Variants in EML6 observed in about 807,000 individuals in gnomAD.
EML6 encodes the protein echinoderm microtubule-associated protein-like 6.
EML6 carries 154 observed loss-of-function variants against 240.1 expected under a neutral mutation model. That is an observed-to-expected ratio of 0.64 (90% CI 0.56 to 0.73). The LOEUF (loss-of-function observed/expected upper bound fraction) is 0.73, where lower values mean the gene tolerates loss of function less well. Ranked by LOEUF, EML6 falls within the 30% of genes least tolerant of loss-of-function variation. The probability of loss-of-function intolerance (pLI) is 0.00; values close to 1 mark genes in which losing one functional copy is unlikely to be tolerated. For synonymous variants in EML6, 1,148 were observed against 899.0 expected, an observed-to-expected ratio of 1.28 and a Z score of -4.95; for missense variants, 2,964 against 2,474.6, an observed-to-expected ratio of 1.20 and a Z score of -4.20.
chr2:54,894,973 G>A lies in EML6; in HGVS notation c.2801G>A (p.Arg934Lys). 2 of 1,551,540 alleles carry A rather than the reference G, an allele frequency of 1.3e-6. No homozygotes were observed. The highest frequency in any genetic ancestry group is 1.7e-6 in the Non-Finnish European group (2 of 1,146,806). ...IVELWDDMFE[R>K]CLKTYAIKRS... ...GAGCTCTGGGATGATATGTTTGAAA[G>A]ATGTTTGAAGACTTATGCCATTAAA... Residue 934 changes from arginine to lysine, a missense_variant, in exon 20 of 42, where the codon AGA (arginine) becomes AAA (lysine). Transcript: ENST00000356458.
chr2:54,861,202 C>G (rs1195635482), intron 12 of EML6, among the ~76,000 whole-genome samples: 2 of 152,196 alleles, frequency 1.3e-5, no homozygotes, highest in African/African-American at 2.4e-5. Flanking sequence ...TGGCTCGCCC[C>G]AGTGATAAAT....
Position 54,871,544 on chromosome 2 carries a change from A to G in EML6, c.2283A>G (p.Leu761=). The G allele has an allele frequency of 6.4e-7, 1 of 1,551,786 alleles. No homozygotes were observed. ...TTCATGTGTGGGACACACAAACTCTAAAATGTTTGTCGCTGTTGAAAGGAC... is the reference window on the plus strand; with the variant it reads ...TTCATGTGTGGGACACACAAACTCTGAAATGTTTGTCGCTGTTGAAAGGAC... The part of the protein sequence containing the change: ...AAIHVWDTQT[L]KCLSLLKGQH... Residue 761 remains leucine (L), a synonymous_variant, in exon 16 of 42, where the codon CTA becomes CTG. Transcript: ENST00000356458.
chr2:54,805,077 C>G (rs146211973), intron 2 of EML6, among the ~76,000 whole-genome samples: 69 of 152,300 alleles, frequency 4.5e-4, no homozygotes, highest in African/African-American at 1.5e-3. Flanking sequence ...GAGTATTCCA[C>G]TGAATGCTCC....
chr2:54,802,463 A>C (rs1330194732), intron 2 of EML6, among the ~76,000 whole-genome samples: 1 of 151,762 alleles, frequency 6.6e-6, no homozygotes, highest in Non-Finnish European at 1.5e-5. Flanking sequence ...CCATCTCTAC[A>C]AAAAAATAAA....
intron 24 of EML6, 136 bp downstream of exon 24, chr2:54,903,638 A>C: frequency 2.7e-6 from 2 of 751,390 alleles, no homozygotes; most frequent in East Asian, 5.5e-5. Context: ...AACGACTGTA[A>C]TTTTACAACC....
At chr2:54,811,068 A>AC (rs1667818868) in intron 2 of EML6, among the ~76,000 whole-genome samples, 1 of 150,670 alleles carries the variant, frequency 6.6e-6, no homozygotes, top group Admixed American at 6.6e-5. Flanking sequence ...CTCTGTTCTC[A>AC]CCCCCAGTAG....
At chr2:54,815,967 A>T (rs1364020663) in intron 3 of EML6, among the ~76,000 whole-genome samples, 1 of 152,192 alleles carries the variant, frequency 6.6e-6, no homozygotes, top group Non-Finnish European at 1.5e-5. Flanking sequence ...AGAAGGAATG[A>T]TTATTTTTTA....
rs1046030564 is a variant in EML6, at chr2:54,793,710, G to A, written c.198-19522G>A. On this transcript the variant is annotated intron_variant, in intron 2 of 41. Coordinates refer to ENST00000356458, the MANE Select transcript of EML6 (RefSeq NM_001039753.4). ...TGGCCAGTTTTCCTTTGAGCCAGAT[G>A]TGGCTGGTGACTACATAAGTGTTGT... Among the ~76,000 whole-genome samples the A allele has an allele frequency of 2.0e-5, 3 of 152,150 alleles. No individual in the cohort carries two copies. The East Asian group carries it at 5.8e-4, about 29-fold the overall frequency.
chr2:54,819,636 C>T (rs374767378), intron 4 of EML6, among the ~76,000 whole-genome samples: 102 of 151,998 alleles, frequency 6.7e-4, no homozygotes, highest in Admixed American at 1.3e-3. Flanking sequence ...ATTAACTGGG[C>T]GTGGTGGCAC....
intron 5 of EML6, among the ~76,000 whole-genome samples, chr2:54,820,855 AAAAG>A (rs1463444969): frequency 4.6e-5 from 7 of 152,186 alleles, no homozygotes; most frequent in Non-Finnish European, 1.0e-4. Flanking sequence ...ATGTTCCCTT[AAAAG>A]AAAGGTGTCA....
chr2:54,929,973 T>C (rs532851334), intron 28 of EML6, among the ~76,000 whole-genome samples: 1 of 152,282 alleles, frequency 6.6e-6, no homozygotes, highest in African/African-American at 2.4e-5. Context: ...TTAAAAGTCC[T>C]AATTCTAAGA....
chr2:54,740,907 T>G (rs1683601452), intron 2 of EML6, among the ~76,000 whole-genome samples: 1 of 152,194 alleles, frequency 6.6e-6, no homozygotes, highest in Non-Finnish European at 1.5e-5. Context: ...ATTCAGTTTC[T>G]AGTCCATATG....
chr2:54,819,437 G>T (rs1052814633), intron 4 of EML6, among the ~76,000 whole-genome samples: 1 of 152,124 alleles, frequency 6.6e-6, no homozygotes, highest in Non-Finnish European at 1.5e-5. Context: ...CTTGTCTCTG[G>T]ATTGGAAATA....
At chr2:54,832,723 C>G (rs1468974884) in intron 7 of EML6, among the ~76,000 whole-genome samples, 1 of 142,214 alleles carries the variant, frequency 7.0e-6, no homozygotes. Context: ...AGAAGATGGT[C>G]AGGTGTCCTG....
chr2:54,856,495 C>T (rs1490353778), intron 11 of EML6, among the ~76,000 whole-genome samples: 1 of 152,218 alleles, frequency 6.6e-6, no homozygotes, highest in Non-Finnish European at 1.5e-5. Context: ...GGCCTATGGA[C>T]AGCTTGAACA....
chr2:54,891,126 A>G lies in EML6; in HGVS notation c.2511A>G (p.Ile837Met), dbSNP rs1234050021. The change falls in exon 18 of 42, where the codon ATA (isoleucine) becomes ATG (methionine). Residue 837 changes from isoleucine (I) to methionine (M), a missense_variant. By Grantham distance (10) the Ile-to-Met change is conservative. Transcript: ENST00000356458. ...TTGACAAACTGGTTACAGTTGGGAT[A>G]AAACACATCAAATTCTGGCAACAAG... is the stretch of plus-strand genomic sequence containing the variant. ...HHVDKLVTVGIKHIKFWQQAG... is the reference protein window; with the variant it reads ...HHVDKLVTVGMKHIKFWQQAG... The G allele has an allele frequency of 1.3e-6, 2 of 1,488,256 alleles. No individual in the cohort carries two copies. 92.2% of individuals were successfully genotyped at this position (1,488,256 alleles called of 1,614,324 possible).
chr2:54,835,015 G>A (rs1408376784), intron 7 of EML6, among the ~76,000 whole-genome samples: 3 of 152,082 alleles, frequency 2.0e-5, no homozygotes, highest in African/African-American at 4.8e-5. Flanking sequence ...TCCGCATTGC[G>A]CTGCTTCGCC....
intron 2 of EML6, chr2:54,748,455 C>T (rs1684016021): frequency 6.6e-6 from 1 of 152,116 alleles, no homozygotes; most frequent in Non-Finnish European, 1.5e-5. Flanking sequence ...TGGTCCAGCA[C>T]AAGGCCTAGT....
intron 28 of EML6, among the ~76,000 whole-genome samples, chr2:54,945,071 TTCTCCCATTCCTCCCTCTCTCCCTCC>T (rs1675614413): frequency 8.8e-6 from 1 of 113,582 alleles, no homozygotes; most frequent in Non-Finnish European, 1.8e-5. Context: ...TGCCTCCCCC[TTCTCCCATTCCTCCCTCTCTCCCTCC>T]TCTCCCACTC....
Sources: gnomAD v4.1 joint callset for allele counts (sites outside exome capture counted in the v4.1 genomes callset) on GRCh38, gnomAD v4.1.1 for gene constraint, MANE v1.5 for transcripts, NCBI Gene and HGNC (gene_info 2026-07-23, HGNC 2026-07-21) for gene names.